The following PTPRT variants were observed in gnomAD, a reference collection of about 807,000 sequenced individuals.
The protein encoded by PTPRT is receptor-type tyrosine-protein phosphatase T.
A neutral mutation model predicts 176.8 loss-of-function variants in PTPRT; 56 were observed. The observed-to-expected ratio is 0.32, with a 90% CI of 0.26 to 0.40. The LOEUF (loss-of-function observed/expected upper bound fraction) is 0.40, where lower values mean the gene tolerates loss of function less well. Ranked by LOEUF, PTPRT falls within the 10% of genes least tolerant of loss-of-function variation. PTPRT has a pLI of 1.00. For missense variants in PTPRT, 1,540 were observed against 1,908.2 expected, an observed-to-expected ratio of 0.81 and a Z score of 3.60; for synonymous variants, 783 against 739.0, an observed-to-expected ratio of 1.06 and a Z score of -0.96.
At chr20:42,114,416 T>C (rs533074016) in intron 22 of PTPRT, among the ~76,000 whole-genome samples, 7 of 152,238 alleles carry the variant, frequency 4.6e-5, no homozygotes, top group Non-Finnish European at 1.0e-4. Context: ...CATTATGATA[T>C]AATAGTAATG....
At chr20:42,505,182 T>C (rs2071822501) in intron 7 of PTPRT, among the ~76,000 whole-genome samples, 1 of 152,194 alleles carries the variant, frequency 6.6e-6, no homozygotes, top group African/African-American at 2.4e-5. Context: ...TACGTAAATA[T>C]GCCTGGTAGC....
chr20:43,060,159 G>A (rs975452174), intron 1 of PTPRT, among the ~76,000 whole-genome samples: 3 of 151,940 alleles, frequency 2.0e-5, no homozygotes, highest in Non-Finnish European at 2.9e-5. Flanking sequence ...CCATTTCTCG[G>A]TACCAATTTT....
chr20:43,066,089 T>A (rs1600686865), intron 1 of PTPRT, among the ~76,000 whole-genome samples: 1 of 152,122 alleles, frequency 6.6e-6, no homozygotes, highest in Non-Finnish European at 1.5e-5. Flanking sequence ...AGAAACCATG[T>A]CTTCCACCCT....
intron 16 of PTPRT, among the ~76,000 whole-genome samples, chr20:42,193,758 T>C (rs1335783886): frequency 6.6e-6 from 1 of 152,248 alleles, no homozygotes; most frequent in African/African-American, 2.4e-5. Flanking sequence ...AAAGTGGAAT[T>C]TAAAATTATC....
chr20:42,373,461 G>A (rs570570197), intron 9 of PTPRT, among the ~76,000 whole-genome samples: 1 of 152,268 alleles, frequency 6.6e-6, no homozygotes, highest in East Asian at 1.9e-4. Flanking sequence ...AGAACTCTCA[G>A]AGGGAACAGA....
chr20:42,276,106 C>T (rs1466258159), intron 13 of PTPRT, among the ~76,000 whole-genome samples: 1 of 152,092 alleles, frequency 6.6e-6, no homozygotes, highest in Non-Finnish European at 1.5e-5. Context: ...ATGCTATGCT[C>T]CTGGGTCCCT....
At chr20:42,389,475 G>A (rs1032823260) in intron 9 of PTPRT, among the ~76,000 whole-genome samples, 2 of 152,180 alleles carry the variant, frequency 1.3e-5, no homozygotes, top group East Asian at 3.9e-4. Context: ...TACCCTTGCA[G>A]CAGTGTTGGG....
chr20:42,809,536 C>T (rs1553889), intron 2 of PTPRT, among the ~76,000 whole-genome samples: 11 of 152,288 alleles, frequency 7.2e-5, no homozygotes, highest in South Asian at 2.1e-4. Context: ...ACAAACTTGG[C>T]GGTTTAGGAT....
At chr20:42,283,615 T>C (rs1040286574) in intron 12 of PTPRT, among the ~76,000 whole-genome samples, 4 of 152,010 alleles carry the variant, frequency 2.6e-5, no homozygotes, top group African/African-American at 9.7e-5. Flanking sequence ...CTCTGACCAT[T>C]GTAACCACTC....
chr20:42,796,928 A>G (rs2077463142), intron 2 of PTPRT, among the ~76,000 whole-genome samples: 1 of 152,240 alleles, frequency 6.6e-6, no homozygotes, highest in South Asian at 2.1e-4. Context: ...TAAAATGGTT[A>G]TAAAACACAT....
At chr20:42,996,348 C>A (rs1051935679) in intron 1 of PTPRT, among the ~76,000 whole-genome samples, 1 of 152,138 alleles carries the variant, frequency 6.6e-6, no homozygotes, top group Admixed American at 6.5e-5. Context: ...TGGCCAATAC[C>A]CTGCAGCGAC....
intron 7 of PTPRT, among the ~76,000 whole-genome samples, chr20:42,596,547 T>A (rs2073674246): frequency 6.6e-6 from 1 of 152,146 alleles, no homozygotes; most frequent in South Asian, 2.1e-4. Context: ...AATTGTCACG[T>A]GGAAGAAACA....
chr20:42,555,811 G>C (rs2072851368), intron 7 of PTPRT, among the ~76,000 whole-genome samples: 1 of 152,156 alleles, frequency 6.6e-6, no homozygotes, highest in Non-Finnish European at 1.5e-5. Flanking sequence ...TCCTAGACAA[G>C]GGCTGGTCCT....
Position 42,741,853 on chromosome 20 carries a change from C to G in PTPRT, c.859+14609G>C, listed in dbSNP as rs115413535. On this transcript the variant is annotated intron_variant, in intron 6 of 30. Transcript: ENST00000373187. ...AATAACTGCTAGATATGGGTTAAGA[C>G]CTGGGAGGAGGGTACCCTGTAGTTT... Among the ~76,000 whole-genome samples the G allele has an allele frequency of 2.5e-3, 377 of 152,090 alleles. 1 individual carries two copies. Among genetic ancestry groups the G allele is most frequent in the African/African-American group, 8.4e-3 (350 of 41,454 alleles).
intron 1 of PTPRT, among the ~76,000 whole-genome samples, chr20:43,030,326 G>C (rs1008541062): frequency 6.6e-6 from 1 of 152,160 alleles, no homozygotes; most frequent in Non-Finnish European, 1.5e-5. Context: ...TTCTCTATCA[G>C]GAGTTGTGGA....
Position 43,102,128 on chromosome 20 carries a change from C to T in PTPRT, c.88+87518G>A, listed in dbSNP as rs180721625. Among the ~76,000 whole-genome samples the T allele has an allele frequency of 1.3e-3, 205 of 152,186 alleles. 2 individuals are homozygous for T. The highest frequency in any genetic ancestry group is 4.5e-3 in the African/African-American group (185 of 41,510). ...TCCATTCATGGGGGTAGAGCTTCACCGCCTCATATCATGACATTGCTGATG... is the reference window on the plus strand; with the variant it reads ...TCCATTCATGGGGGTAGAGCTTCACTGCCTCATATCATGACATTGCTGATG... On this transcript the variant is annotated intron_variant, in intron 1 of 30. Coordinates refer to ENST00000373187, the MANE Select transcript of PTPRT (RefSeq NM_007050.6).
In PTPRT at chr20:42,725,067, GC is replaced by G. The variant is rs554959770; in HGVS notation, c.859+31394del. Among the ~76,000 whole-genome samples the G allele has an allele frequency of 2.1e-4, 32 of 150,166 alleles. 1 individual carries two copies. The South Asian group carries it at 6.5e-3, about 31-fold the overall frequency. On this transcript the variant is annotated intron_variant, in intron 6 of 30. Transcript: ENST00000373187. Reference sequence around the variant, plus strand: ...TTTGAGACTGAGTTTTGCTCTTTTCGCCCAGGCTGGAGTTCAATGGAATGAT... The same window carrying G: ...TTTGAGACTGAGTTTTGCTCTTTTCGCCAGGCTGGAGTTCAATGGAATGAT...
chr20:42,626,375 C>G (rs2074289557), intron 7 of PTPRT, among the ~76,000 whole-genome samples: 2 of 152,168 alleles, frequency 1.3e-5, no homozygotes, highest in Non-Finnish European at 2.9e-5. Context: ...ACTTACCACT[C>G]TACAGCTGAG....
chr20:42,469,006 C>G (rs1054020936), intron 8 of PTPRT, among the ~76,000 whole-genome samples: 2 of 152,126 alleles, frequency 1.3e-5, no homozygotes, highest in African/African-American at 4.8e-5. Flanking sequence ...GTCTACAGCT[C>G]TGAAGAGGTT....
Sources: allele counts gnomAD v4.1 joint callset (sites outside exome capture counted in the v4.1 genomes callset), GRCh38; gene constraint gnomAD v4.1.1; transcripts MANE v1.5; gene names NCBI Gene and HGNC (gene_info 2026-07-23, HGNC 2026-07-21).